Variants in DNAI1 observed in about 807,000 individuals in gnomAD.
The protein encoded by DNAI1 is dynein axonemal intermediate chain 1.
DNAI1 carries 67 observed loss-of-function variants against 92.0 expected under a neutral mutation model. The observed-to-expected ratio is 0.73, with a 90% CI of 0.60 to 0.89. The LOEUF (loss-of-function observed/expected upper bound fraction) is 0.89. DNAI1 is among the 40% of genes least tolerant of loss of function. The pLI, the probability that DNAI1 is intolerant of heterozygous loss-of-function variation, is 0.00. For synonymous variants in DNAI1, 323 were observed against 319.6 expected (o/e 1.01, Z -0.11); for missense variants, 839 against 866.6 (o/e 0.97, Z 0.40).
rs1824715805 is a variant in DNAI1, at chr9:34,496,027, A to C, written c.817-1088A>C. Among the ~76,000 whole-genome samples, 3 of 152,150 alleles carry C rather than the reference A, an allele frequency of 2.0e-5. No individual in the cohort carries two copies. In the East Asian group the frequency reaches 5.8e-4, roughly 29 times the overall value. ...ATAACCCTTCGCTGCACTACTCTGC[A>C]TGTTTCCTCTGACACCATCACCACC... On this transcript the variant is annotated intron_variant, in intron 9 of 19. Transcript: ENST00000242317.
Position 34,500,746 on chromosome 9 carries a change from C to T in DNAI1, c.926C>T (p.Ala309Val). The change falls in exon 11 of 20, where the codon GCT becomes GTT. Residue 309 changes from alanine to valine, a missense_variant. Physicochemically the swap from Ala to Val is moderately conservative, Grantham distance 64. Transcript: ENST00000242317. ...AQDFKYYDDA[A>V]DEYRDQVGTL... is the part of the protein sequence containing the mutation. ...GATTTTAAGTACTATGACGATGCTG[C>T]TGATGAATACCGGGACCAGGTGGGT... is the stretch of plus-strand genomic sequence containing the variant. 1 of 1,613,968 alleles carries T rather than the reference C, an allele frequency of 6.2e-7. No individual in the cohort carries two copies. The highest frequency in any genetic ancestry group is 1.7e-5 in the Admixed American group (1 of 60,012).
At chr9:34,513,089 C>A (rs1181667025) in intron 15 of DNAI1, 23 bp from the exon 16 acceptor site, 1 of 1,607,062 alleles carries the variant, frequency 6.2e-7, no homozygotes, top group South Asian at 1.1e-5. Context: ...TGGGCTAAGC[C>A]TGCCCCTCCC....
chr9:34,506,363 T>C (rs1362336052), intron 12 of DNAI1, among the ~76,000 whole-genome samples: 1 of 152,202 alleles, frequency 6.6e-6, no homozygotes, highest in African/African-American at 2.4e-5. Flanking sequence ...CATCCCCCTT[T>C]CCTGCACCTT....
At chr9:34,464,505 C>T (rs1476799410) in intron 1 of DNAI1, among the ~76,000 whole-genome samples, 1 of 152,012 alleles carries the variant, frequency 6.6e-6, no homozygotes, top group Non-Finnish European at 1.5e-5. Flanking sequence ...AAATCAATCC[C>T]CACAACCTGC....
intron 7 of DNAI1, 24 bp downstream of exon 7, chr9:34,490,512 C>T (rs1011843754): frequency 3.1e-6 from 5 of 1,613,598 alleles, no homozygotes; most frequent in Non-Finnish European, 4.2e-6. Context: ...CACCCTAGCC[C>T]CTTTGCAGCT....
chr9:34,509,543 AC>A (rs1374238975), intron 13 of DNAI1, among the ~76,000 whole-genome samples: 6 of 151,958 alleles, frequency 3.9e-5, no homozygotes, highest in Admixed American at 2.0e-4. Flanking sequence ...CACTCCCTCT[AC>A]CCCCCTGAGC....
chr9:34,501,220 C>T, intron 12 of DNAI1, 39 bp downstream of exon 12: 2 of 1,501,380 alleles, frequency 1.3e-6, no homozygotes, highest in Non-Finnish European at 1.9e-6. Flanking sequence ...CTCATGTAAA[C>T]AGCAAACACT....
At chr9:34,479,025 A>G (rs1824288744) in intron 1 of DNAI1, 1 of 152,306 alleles carries the variant, frequency 6.6e-6, no homozygotes, top group Non-Finnish European at 1.5e-5. Context: ...AAGGACTAGC[A>G]GAGGCTAGTT....
chr9:34,511,293 C>A (rs986037703), intron 13 of DNAI1, among the ~76,000 whole-genome samples: 1 of 152,244 alleles, frequency 6.6e-6, no homozygotes, highest in African/African-American at 2.4e-5. Flanking sequence ...CTCCAAAACA[C>A]TTTCCCATAT....
At chr9:34,476,369 G>A (rs35418087) in intron 1 of DNAI1, among the ~76,000 whole-genome samples, 49 of 152,274 alleles carry the variant, frequency 3.2e-4, no homozygotes, top group Admixed American at 2.7e-3. Context: ...TCCTCTCCAC[G>A]GCTTTCCAGA....
intron 1 of DNAI1, among the ~76,000 whole-genome samples, chr9:34,461,107 G>T (rs1823944613): frequency 6.6e-6 from 1 of 152,172 alleles, no homozygotes; most frequent in Non-Finnish European, 1.5e-5. Flanking sequence ...CTCCCAAAGT[G>T]CTGGGATTAC....
At chr9:34,505,407 T>A (rs562538882) in intron 12 of DNAI1, among the ~76,000 whole-genome samples, 1 of 152,334 alleles carries the variant, frequency 6.6e-6, no homozygotes, top group Admixed American at 6.5e-5. Flanking sequence ...TGTGATTACA[T>A]TGAGTCTACC....
chr9:34,518,750 T>G (rs769799040), intron 19 of DNAI1, among the ~76,000 whole-genome samples: 1 of 152,168 alleles, frequency 6.6e-6, no homozygotes, highest in African/African-American at 2.4e-5. Context: ...CATGACACCA[T>G]GAGGGTGGTA....
chr9:34,482,324 A>G (rs1824375729), intron 1 of DNAI1, among the ~76,000 whole-genome samples: 1 of 150,518 alleles, frequency 6.6e-6, no homozygotes, highest in Non-Finnish European at 1.5e-5. Context: ...ACAAACCTTG[A>G]GCTAAACACA....
In DNAI1 at chr9:34,474,567, CTTTTTTT is replaced by C. The variant is rs55701117; in HGVS notation, c.49-8868_49-8862del. On this transcript the variant is annotated intron_variant, in intron 1 of 19. Transcript: ENST00000242317. ...TGTGACTATTTCTTTTTTTTTTTTCCTTTTTTTTTTTTTTTTTTTGAGACAGAGTCTC... is the reference window on the plus strand; with the variant it reads ...TGTGACTATTTCTTTTTTTTTTTTCCTTTTTTTTTTTTGAGACAGAGTCTC... Among the ~76,000 whole-genome samples the C allele has an allele frequency of 2.4e-3, 264 of 107,850 alleles. 3 individuals carry two copies. Among genetic ancestry groups the C allele is most frequent in the African/African-American group, 7.9e-3 (237 of 30,076 alleles). The allele number at this position is 107,850 out of a possible 152,430, so 70.8% of individuals were successfully genotyped here.
chr9:34,511,866 A>G (rs768154136), intron 13 of DNAI1, among the ~76,000 whole-genome samples: 4 of 152,172 alleles, frequency 2.6e-5, no homozygotes, highest in Admixed American at 6.5e-5. Context: ...AATTAAGGCA[A>G]TGCTTTGACT....
At chr9:34,497,458 C>T (rs981421291) in intron 10 of DNAI1, among the ~76,000 whole-genome samples, 10 of 152,250 alleles carry the variant, frequency 6.6e-5, no homozygotes, top group African/African-American at 2.4e-4. Context: ...GATCCAATCT[C>T]ATCTTCCTGA....
chr9:34,473,455 C>A (rs183262380), intron 1 of DNAI1, among the ~76,000 whole-genome samples: 11 of 151,940 alleles, frequency 7.2e-5, no homozygotes, highest in Non-Finnish European at 1.2e-4. Flanking sequence ...ACCAGCCTGG[C>A]TAATTTTTGT....
chr9:34,516,134 A>G (rs931732140), intron 18 of DNAI1, among the ~76,000 whole-genome samples: 13 of 152,336 alleles, frequency 8.5e-5, no homozygotes, highest in African/African-American at 2.9e-4. Context: ...GCAGGGGAGC[A>G]GCCCATGGTG....
Sources: allele counts gnomAD v4.1 joint callset (sites outside exome capture counted in the v4.1 genomes callset), GRCh38; gene constraint gnomAD v4.1.1; transcripts MANE v1.5; gene names NCBI Gene and HGNC (gene_info 2026-07-23, HGNC 2026-07-21).